IPP: variants seen among roughly 807,000 people sequenced by gnomAD.
IPP encodes actin-binding protein IPP.
In IPP, 41 loss-of-function variants were observed where a neutral mutation model predicts 64.1. That is an observed-to-expected ratio of 0.64 (90% CI 0.50 to 0.83). The LOEUF (loss-of-function observed/expected upper bound fraction) is 0.83. Ranked by LOEUF, IPP falls within the 40% of genes least tolerant of loss-of-function variation. The pLI is 0.00. For synonymous variants in IPP, 214 were observed against 235.2 expected (o/e 0.91, Z 0.83); for missense variants, 649 against 703.0 (o/e 0.92, Z 0.87).
chr1:45,722,056 G>C (rs1443157030), intron 5 of IPP, among the ~76,000 whole-genome samples: 1 of 151,854 alleles, frequency 6.6e-6, no homozygotes, highest in Non-Finnish European at 1.5e-5. Context: ...CACAGAGTGA[G>C]ACTCCGTTTC....
At chr1:45,726,455 A>G (rs1222645677) in intron 5 of IPP, among the ~76,000 whole-genome samples, 1 of 152,116 alleles carries the variant, frequency 6.6e-6, no homozygotes, top group East Asian at 1.9e-4. Context: ...AACAAGAGCA[A>G]AACTCCATAT....
At chr1:45,728,886 G>A (rs548475906) in intron 4 of IPP, among the ~76,000 whole-genome samples, 2 of 152,156 alleles carry the variant, frequency 1.3e-5, no homozygotes, top group African/African-American at 4.8e-5. Context: ...CCAGCACTTT[G>A]GGAGGCCAAG....
At position 45,732,361 on chromosome 1, in the gene IPP, C is replaced by CAAA. The variant is rs779442718; in HGVS notation, c.725-2595_725-2593dup. 2.7e-3 allele frequency among the ~76,000 whole-genome samples: 162 copies of CAAA among 59,746 alleles called. 9 individuals carry two copies. Among genetic ancestry groups the CAAA allele is most frequent in the Non-Finnish European group, 3.8e-3 (136 of 35,414 alleles). 39.2% of individuals were successfully genotyped at this position (59,746 alleles called of 152,430 possible). ...TGGGCAAAAGAGCGAGACTCCACCT[C>CAAA]AAAAAAAAAAAAAAAAAAACACAAA... On this transcript the variant is annotated intron_variant, in intron 3 of 8. Transcript: ENST00000396478.
At chr1:45,712,581 G>T (rs886343368) in intron 8 of IPP, among the ~76,000 whole-genome samples, 1 of 151,870 alleles carries the variant, frequency 6.6e-6, no homozygotes, top group Non-Finnish European at 1.5e-5. Flanking sequence ...AAAAGGCCGG[G>T]CACGGTGGGC....
At chr1:45,749,551 C>T (rs1362357784) in intron 1 of IPP, among the ~76,000 whole-genome samples, 3 of 132,812 alleles carry the variant, frequency 2.3e-5, no homozygotes, top group Non-Finnish European at 4.7e-5. Flanking sequence ...GACGGAGTCT[C>T]GCTCTGTCGC....
intron 4 of IPP, among the ~76,000 whole-genome samples, chr1:45,728,035 T>C (rs1228713378): frequency 6.6e-6 from 1 of 152,106 alleles, no homozygotes; most frequent in Non-Finnish European, 1.5e-5. Flanking sequence ...ATATGAAATA[T>C]AAATCTAGGC....
chr1:45,698,592 C>G (rs1645408103), downstream of IPP: 2 of 730,158 alleles, frequency 2.7e-6, no homozygotes, highest in South Asian at 1.2e-4. Context: ...TATGCTCTTA[C>G]TTAGGTTTGC....
chr1:45,735,897 G>A (rs561085831), intron 3 of IPP, among the ~76,000 whole-genome samples: 1 of 151,862 alleles, frequency 6.6e-6, no homozygotes, highest in East Asian at 1.9e-4. Flanking sequence ...GGATCATGAG[G>A]TCAGGAGATC....
intron 8 of IPP, among the ~76,000 whole-genome samples, chr1:45,707,422 CAAAAAA>C (rs66578618): frequency 2.7e-5 from 2 of 73,570 alleles, no homozygotes; most frequent in South Asian, 5.0e-4. Context: ...GACTCCATAT[CAAAAAA>C]AAAAAAAAAA....
At chr1:45,739,521 C>A (rs1646031923) in intron 3 of IPP, among the ~76,000 whole-genome samples, 1 of 147,848 alleles carries the variant, frequency 6.8e-6, no homozygotes, top group South Asian at 2.1e-4. Context: ...TGCTAAAGTG[C>A]CAGAATTATA....
At chr1:45,735,456 T>G (rs1349086043) in intron 3 of IPP, among the ~76,000 whole-genome samples, 3 of 148,426 alleles carry the variant, frequency 2.0e-5, no homozygotes, top group Non-Finnish European at 4.5e-5. Context: ...TTTTTATTGA[T>G]TTAATTTTGC....
At chr1:45,700,648 TA>T (rs1245949861) in intron 8 of IPP, among the ~76,000 whole-genome samples, 1 of 152,158 alleles carries the variant, frequency 6.6e-6, no homozygotes, top group East Asian at 1.9e-4. Flanking sequence ...CAGAATATTT[TA>T]AAATAAACTT....
At chr1:45,708,380 A>T (rs1645543295) in intron 8 of IPP, among the ~76,000 whole-genome samples, 1 of 150,086 alleles carries the variant, frequency 6.7e-6, no homozygotes, top group Non-Finnish European at 1.5e-5. Context: ...GATTAAAGAT[A>T]AAAAAAAGCA....
chr1:45,735,850 G>T (rs958460962), intron 3 of IPP, among the ~76,000 whole-genome samples: 3 of 148,480 alleles, frequency 2.0e-5, no homozygotes, highest in African/African-American at 7.5e-5. Flanking sequence ...GGTGTCTCAC[G>T]CCTGTAATCC....
At chr1:45,745,012 G>A (rs1360827070) in intron 2 of IPP, among the ~76,000 whole-genome samples, 1 of 152,064 alleles carries the variant, frequency 6.6e-6, no homozygotes, top group African/African-American at 2.4e-5. Context: ...ATTGAAGTGT[G>A]AGTGCACCAC....
chr1:45,712,142 C>A (rs1645598432), intron 8 of IPP, among the ~76,000 whole-genome samples: 1 of 151,784 alleles, frequency 6.6e-6, no homozygotes, highest in Non-Finnish European at 1.5e-5. Context: ...ATGGTGAAAC[C>A]CTGGCTCTAC....
At chr1:45,736,300 T>G (rs1199725426) in intron 3 of IPP, among the ~76,000 whole-genome samples, 1 of 152,034 alleles carries the variant, frequency 6.6e-6, no homozygotes, top group Non-Finnish European at 1.5e-5. Flanking sequence ...CTTTTTATAA[T>G]AAGCATATTC....
chr1:45,718,569 C>T (rs759999013), intron 6 of IPP, among the ~76,000 whole-genome samples: 1 of 152,022 alleles, frequency 6.6e-6, no homozygotes, highest in African/African-American at 2.4e-5. Context: ...CAGGAGCACC[C>T]CCTCCAATCC....
At position 45,725,444 on chromosome 1, in the gene IPP, C is replaced by T. The variant is rs1440246928; in HGVS notation, c.1048+2187G>A. ...TGAGGAGCCCCTCTGCCTGGCCAGCCGCCCCATCCGGGAGGGAGGTGGGGG... is the reference window on the plus strand; with the variant it reads ...TGAGGAGCCCCTCTGCCTGGCCAGCTGCCCCATCCGGGAGGGAGGTGGGGG... On this transcript the variant is annotated intron_variant, in intron 5 of 8. Transcript: ENST00000396478. Among the ~76,000 whole-genome samples the T allele has an allele frequency of 1.4e-4, 20 of 143,108 alleles. 1 individual carries two copies. Among genetic ancestry groups the T allele is most frequent in the African/African-American group, 4.9e-4 (19 of 38,642 alleles). The allele number at this position is 143,108 out of a possible 152,430, so 93.9% of individuals were successfully genotyped here.
Sources: gnomAD v4.1 joint callset for allele counts (sites outside exome capture counted in the v4.1 genomes callset) on GRCh38, gnomAD v4.1.1 for gene constraint, MANE v1.5 for transcripts, NCBI Gene and HGNC (gene_info 2026-07-23, HGNC 2026-07-21) for gene names.